Variants in CIMAP1C observed in about 807,000 individuals in gnomAD.
The protein encoded by CIMAP1C is outer dense fiber of sperm tails 3 like 1.
chr15:75,727,566 C>G, the CIMAP1C span: 2 of 1,525,768 alleles, frequency 1.3e-6, no homozygotes, highest in Non-Finnish European at 1.8e-6. Context: ...ACTCACTGCC[C>G]CTCATCCCCA....
chr15:75,726,938 C>A, the CIMAP1C span: 1 of 1,310,098 alleles, frequency 7.6e-7, no homozygotes, highest in Non-Finnish European at 1.1e-6. Context: ...GATGTCCCTG[C>A]CCTGCTGCTG....
the CIMAP1C span, chr15:75,724,419 A>G: frequency 1.3e-6 from 1 of 794,752 alleles, no homozygotes; most frequent in Non-Finnish European, 2.2e-6. Flanking sequence ...TTGAAGCCTT[A>G]CAGAAGACCT....
the CIMAP1C span, chr15:75,727,559 C>T: frequency 2.0e-6 from 3 of 1,535,474 alleles, no homozygotes; most frequent in Non-Finnish European, 2.6e-6. Flanking sequence ...TTGGGGCACT[C>T]ACTGCCCCTC....
At chr15:75,727,422 G>A in the CIMAP1C span, 3 of 1,613,900 alleles carry the variant, frequency 1.9e-6, no homozygotes, top group East Asian at 2.2e-5. Context: ...CCACGGCCTG[G>A]CCCCGGCTCC....
the CIMAP1C span, chr15:75,724,111 TG>T: frequency 7.6e-5 from 61 of 806,436 alleles, no homozygotes; most frequent in Middle Eastern, 2.3e-4. Context: ...GGGTGGGGGA[TG>T]GGGGGGTCTC....
the CIMAP1C span, chr15:75,724,112 G>C: frequency 1.2e-6 from 1 of 809,036 alleles, no homozygotes; most frequent in Admixed American, 1.9e-5. Flanking sequence ...GGTGGGGGAT[G>C]GGGGGGTCTC....
the CIMAP1C span, chr15:75,724,276 A>G: frequency 1.2e-5 from 19 of 1,614,112 alleles, no homozygotes; most frequent in Non-Finnish European, 1.5e-5. Flanking sequence ...CCCTCAAGGC[A>G]GGAGGTCAAG....
the CIMAP1C span, chr15:75,724,081 C>G: frequency 1.5e-6 from 1 of 684,408 alleles, no homozygotes; most frequent in African/African-American, 1.8e-5. Flanking sequence ...TGTCTTCCTT[C>G]CCAGCTTCCT....
At chr15:75,725,847 G>A in the CIMAP1C span, among the ~76,000 whole-genome samples, 16 of 152,356 alleles carry the variant, frequency 1.1e-4, no homozygotes, top group African/African-American at 3.4e-4. Flanking sequence ...CTGCTGGGCA[G>A]CTGTTATTTT....
At chr15:75,724,416 CT>C in the CIMAP1C span, 1 of 815,014 alleles carries the variant, frequency 1.2e-6, no homozygotes, top group Non-Finnish European at 2.1e-6. Flanking sequence ...TCCTTGAAGC[CT>C]TACAGAAGAC....
chr15:75,725,275 G>A, the CIMAP1C span: 36 of 1,301,682 alleles, frequency 2.8e-5, no homozygotes, highest in Admixed American at 2.4e-4. Flanking sequence ...TGGAGGTTGA[G>A]GGGAGAGACA....
the CIMAP1C span, chr15:75,726,233 A>G: frequency 9.0e-7 from 1 of 1,111,778 alleles, no homozygotes; most frequent in Non-Finnish European, 1.3e-6. Context: ...GTGCACCCTT[A>G]GGACCTGGGC....
At chr15:75,727,618 T>G in the CIMAP1C span, 1 of 1,417,268 alleles carries the variant, frequency 7.1e-7, no homozygotes, top group African/African-American at 1.4e-5. Context: ...TTGACCAAGA[T>G]TTCTAGTAGC....
the CIMAP1C span, among the ~76,000 whole-genome samples, chr15:75,724,749 TA>T: frequency 5.9e-5 from 9 of 152,226 alleles, no homozygotes; most frequent in Admixed American, 5.9e-4. Flanking sequence ...TAGATATTTC[TA>T]AGCCTCAATA....
chr15:75,726,019 T>C, the CIMAP1C span: 1 of 1,433,836 alleles, frequency 7.0e-7, no homozygotes, highest in South Asian at 1.2e-5. Flanking sequence ...TGGGGCAGCC[T>C]TTGGGGCTGA....
chr15:75,727,448 G>T, the CIMAP1C span: 4 of 1,613,848 alleles, frequency 2.5e-6, no homozygotes, highest in Admixed American at 1.7e-5. Flanking sequence ...GGTCCAGCAG[G>T]TCACTGTGCA....
chr15:75,727,379 G>T, the CIMAP1C span: 1 of 1,614,068 alleles, frequency 6.2e-7, no homozygotes, highest in South Asian at 1.1e-5. Context: ...TTACAGCATG[G>T]CCAAGCGCTT....
At chr15:75,727,442 C>T in the CIMAP1C span, 10 of 1,613,910 alleles carry the variant, frequency 6.2e-6, no homozygotes, top group Non-Finnish European at 8.5e-6. Context: ...CCACGAGGTC[C>T]AGCAGGTCAC....
chr15:75,724,169 AGCT>A, the CIMAP1C span: 4 of 1,467,644 alleles, frequency 2.7e-6, no homozygotes, highest in South Asian at 1.1e-5. Flanking sequence ...ACCCTGCTGT[AGCT>A]GCTGCTGCTC....
Sources: gnomAD v4.1 joint callset for allele counts (sites outside exome capture counted in the v4.1 genomes callset) on GRCh38, gnomAD v4.1.1 for gene constraint, MANE v1.5 for transcripts, NCBI Gene and HGNC (gene_info 2026-07-23, HGNC 2026-07-21) for gene names.